ROBO2: variants seen among roughly 807,000 people sequenced by gnomAD.
ROBO2 encodes roundabout guidance receptor 2.
A neutral mutation model predicts 160.8 loss-of-function variants in ROBO2; 53 were observed. The ratio of observed to expected loss-of-function variants is 0.33; its 90% CI spans 0.26 to 0.41. The LOEUF (loss-of-function observed/expected upper bound fraction) is 0.41. Among genes scored for constraint, ROBO2 ranks in the 10% least tolerant of loss-of-function variants. The pLI is 1.00. For synonymous variants in ROBO2, 664 were observed against 611.7 expected (o/e 1.09, Z -1.26); for missense variants, 1,577 against 1,722.4 (o/e 0.92, Z 1.49).
chr3:76,401,515 G>C (rs1393246807), intron 2 of ROBO2, among the ~76,000 whole-genome samples: 2 of 151,466 alleles, frequency 1.3e-5, no homozygotes, highest in Non-Finnish European at 3.0e-5. Flanking sequence ...TTTTAACAAA[G>C]GCAATGAAGG....
At chr3:77,579,906 T>G (rs766447709) in intron 15 of ROBO2, 41 bp from the exon 17 acceptor site, 1 of 1,560,542 alleles carries the variant, frequency 6.4e-7, no homozygotes, top group Non-Finnish European at 8.8e-7. Context: ...CCAGAAACGA[T>G]AATCTTATAT....
chr3:77,452,155 G>A (rs760343001), intron 2 of ROBO2, among the ~76,000 whole-genome samples: 18 of 151,976 alleles, frequency 1.2e-4, no homozygotes, highest in Non-Finnish European at 1.8e-4. Flanking sequence ...TTTTAAACAA[G>A]GAATAATTTT....
At chr3:76,016,036 T>A (rs2066395576) in intron 2 of ROBO2, among the ~76,000 whole-genome samples, 1 of 152,184 alleles carries the variant, frequency 6.6e-6, no homozygotes, top group African/African-American at 2.4e-5. Flanking sequence ...ACCAAGCTAG[T>A]AAATACACCA....
At chr3:76,529,238 G>T (rs1227987128) in intron 2 of ROBO2, among the ~76,000 whole-genome samples, 2 of 152,166 alleles carry the variant, frequency 1.3e-5, no homozygotes, top group African/African-American at 4.8e-5. Context: ...GAGCCATAGA[G>T]CTATCTTGTG....
intron 2 of ROBO2, among the ~76,000 whole-genome samples, chr3:76,293,224 C>T (rs1275613817): frequency 6.6e-6 from 1 of 152,156 alleles, no homozygotes; most frequent in Non-Finnish European, 1.5e-5. Flanking sequence ...GGCTTCTTGT[C>T]CGCTAGCATG....
intron 2 of ROBO2, among the ~76,000 whole-genome samples, chr3:76,771,866 T>A (rs1010060271): frequency 8.6e-5 from 13 of 151,326 alleles, no homozygotes; most frequent in African/African-American, 3.1e-4. Context: ...CATTTTCAAT[T>A]TTTTATAAAA....
intron 2 of ROBO2, among the ~76,000 whole-genome samples, chr3:76,214,117 T>C (rs979127792): frequency 6.6e-6 from 1 of 152,152 alleles, no homozygotes; most frequent in Admixed American, 6.5e-5. Flanking sequence ...CCACCCCTTG[T>C]CAATTTGGCA....
intron 2 of ROBO2, among the ~76,000 whole-genome samples, chr3:76,454,613 T>A (rs2077654749): frequency 6.6e-6 from 1 of 152,172 alleles, no homozygotes; most frequent in African/African-American, 2.4e-5. Flanking sequence ...TTCTTCATTG[T>A]AAAATGAGAT....
chr3:76,756,293 C>CA (rs2108305380), intron 2 of ROBO2, among the ~76,000 whole-genome samples: 1 of 151,794 alleles, frequency 6.6e-6, no homozygotes, highest in East Asian at 2.0e-4. Flanking sequence ...ATTAATAAAC[C>CA]ATTGTAGAAT....
rs148208421 is a variant in ROBO2 at position 77,496,456 on chromosome 3, G to T, written c.806+3074G>T. ...GAAAGACACCTCTTTCCTTGGTGAG[G>T]AATAACAGTAATAACTTTTAGCCAA... On this transcript the variant is annotated intron_variant, in intron 5 of 25. Coordinates refer to ENST00000461745, the Ensembl canonical transcript of ROBO2. Among the ~76,000 whole-genome samples, 14 of 152,252 alleles carry T rather than the reference G, an allele frequency of 9.2e-5. 1 individual carries two copies. Among genetic ancestry groups the T allele is most frequent in the African/African-American group, 2.6e-4 (11 of 41,562 alleles).
intron 1 of ROBO2, among the ~76,000 whole-genome samples, chr3:77,060,877 T>A (rs923141328): frequency 6.6e-6 from 1 of 152,158 alleles, no homozygotes; most frequent in Non-Finnish European, 1.5e-5. Context: ...AGTTATTGAC[T>A]TAAACATCTA....
chr3:77,436,330 T>C (rs1465610394), intron 2 of ROBO2, among the ~76,000 whole-genome samples: 1 of 141,094 alleles, frequency 7.1e-6, no homozygotes, highest in Non-Finnish European at 1.6e-5. Context: ...TACAATACAT[T>C]ATCTGTTTGT....
chr3:76,198,925 G>A (rs1264357528), intron 2 of ROBO2, among the ~76,000 whole-genome samples: 1 of 152,116 alleles, frequency 6.6e-6, no homozygotes, highest in Non-Finnish European at 1.5e-5. Context: ...TGTAACTTCT[G>A]TTCCCTTAAA....
intron 2 of ROBO2, among the ~76,000 whole-genome samples, chr3:76,603,988 C>T (rs6793784): frequency 0.12 from 18,391 of 152,004 alleles, 1,311 homozygotes; most frequent in East Asian, 0.26. Flanking sequence ...TTTCAACTGG[C>T]CTTAGACATC....
intron 2 of ROBO2, among the ~76,000 whole-genome samples, chr3:77,318,205 T>A (rs530413520): frequency 1.3e-5 from 2 of 152,078 alleles, no homozygotes; most frequent in African/African-American, 4.8e-5. Flanking sequence ...CTGCTATTTT[T>A]GTATTTTTAG....
chr3:76,448,018 T>C (rs1004958163), intron 2 of ROBO2, among the ~76,000 whole-genome samples: 2 of 151,620 alleles, frequency 1.3e-5, no homozygotes. Context: ...GTTGTGTACA[T>C]GTACCCTAGA....
chr3:76,632,140 G>A (rs1162939944), intron 2 of ROBO2, among the ~76,000 whole-genome samples: 2 of 152,160 alleles, frequency 1.3e-5, no homozygotes, highest in African/African-American at 2.4e-5. Context: ...GCAAAGAAAC[G>A]TAAAGTGGGA....
At chr3:76,722,976 A>G (rs970063696) in intron 2 of ROBO2, among the ~76,000 whole-genome samples, 2 of 152,194 alleles carry the variant, frequency 1.3e-5, no homozygotes, top group East Asian at 1.9e-4. Flanking sequence ...ATTTCTTACA[A>G]TTGAAATATG....
chr3:76,710,637 C>A (rs1043254670), intron 2 of ROBO2, among the ~76,000 whole-genome samples: 19 of 152,226 alleles, frequency 1.2e-4, no homozygotes, highest in Middle Eastern at 3.4e-3. Flanking sequence ...AGGTAGGGAA[C>A]TGAGACTGCT....
Sources: gnomAD v4.1 joint callset for allele counts (sites outside exome capture counted in the v4.1 genomes callset) on GRCh38, gnomAD v4.1.1 for gene constraint, MANE v1.5 for transcripts, NCBI Gene and HGNC (gene_info 2026-07-23, HGNC 2026-07-21) for gene names.